Variants in BRIP1 observed in about 807,000 individuals in gnomAD.
BRIP1 encodes BRCA1 interacting DNA helicase 1.
Under a neutral mutation model 119.7 loss-of-function variants are expected in BRIP1, and 88 were observed. The observed-to-expected ratio is 0.74, with a 90% CI of 0.62 to 0.88. BRIP1 has a LOEUF of 0.88. BRIP1 is among the 40% of genes least tolerant of loss of function. The pLI is 0.00. For synonymous variants in BRIP1, 443 were observed against 496.5 expected (o/e 0.89, Z 1.43); for missense variants, 1,259 against 1,455.4 (o/e 0.87, Z 2.20).
rs2078946624 is a variant in BRIP1, at chr17:61,859,694, T to G, written c.205+102A>C. 7 of 770,848 alleles carry G rather than the reference T, an allele frequency of 9.1e-6. No homozygotes were observed. The South Asian group carries it at 1.0e-4, about 11-fold the overall frequency. 47.8% of individuals were successfully genotyped at this position (770,848 alleles called of 1,614,324 possible). ...AAAGAAACATCTTTAAACAAATATT[T>G]AAGTTAGCGACAGCATGGCTGAACC... On this transcript the variant is annotated intron_variant, in intron 3 of 19. Transcript: ENST00000259008.
chr17:61,818,658 C>G (rs1329495820), intron 6 of BRIP1, among the ~76,000 whole-genome samples: 1 of 152,078 alleles, frequency 6.6e-6, no homozygotes, highest in Non-Finnish European at 1.5e-5. Context: ...CTTTTCATTT[C>G]CAATGAGGGG....
Position 61,821,129 on chromosome 17 carries a change from T to C in BRIP1, c.628-12372A>G, listed in dbSNP as rs146590560. ...AACACGTGGCCTGTGACCAGTCTGA[T>C]TGGTTGTGGGAGGCAACCAATCAGA... On this transcript the variant is annotated intron_variant, in intron 6 of 19. Coordinates refer to ENST00000259008, the MANE Select transcript of BRIP1 (RefSeq NM_032043.3). Among the ~76,000 whole-genome samples, 332 of 152,182 alleles carry C rather than the reference T, an allele frequency of 2.2e-3. 1 individual carries two copies. Among genetic ancestry groups the C allele is most frequent in the Middle Eastern group, 0.01 (3 of 294 alleles).
At chr17:61,855,064 A>C (rs2078876532) in intron 4 of BRIP1, among the ~76,000 whole-genome samples, 2 of 150,910 alleles carry the variant, frequency 1.3e-5, no homozygotes, top group South Asian at 4.1e-4. Context: ...AGAAAATGCA[A>C]ACTAATCTAT....
intron 6 of BRIP1, among the ~76,000 whole-genome samples, chr17:61,812,410 C>G (rs2078176354): frequency 6.6e-6 from 1 of 151,952 alleles, no homozygotes; most frequent in African/African-American, 2.4e-5. Context: ...AATAATATAT[C>G]TGAAAATCAA....
Position 61,739,375 on chromosome 17 carries a change from A to G in BRIP1, c.2379+3638T>C, listed in dbSNP as rs1326408874. The G allele has an allele frequency of 5.2e-6, 1 of 191,870 alleles. No homozygotes were observed. Among genetic ancestry groups the G allele is most frequent in the Non-Finnish European group, 1.1e-5 (1 of 91,572 alleles). 11.9% of individuals were successfully genotyped at this position (191,870 alleles called of 1,614,324 possible). ...TAGAATAGGAGACCCAGCTTTGGGC[A>G]TAGCCATTAGTGCCCTCAGCAGTAG... On this transcript the variant is annotated intron_variant, in intron 16 of 19. Transcript: ENST00000259008. The surrounding 1 kb of genome is among the most constrained non-coding windows in gnomAD (Gnocchi z 6.0).
rs202072866 is a variant in BRIP1, at chr17:61,849,221, A to C, written c.415T>G (p.Ser139Ala). The C allele has an allele frequency of 6.4e-5, 104 of 1,613,052 alleles. No homozygotes were observed. In the Middle Eastern group the frequency reaches 1.2e-3, roughly 18 times the overall value. The stretch of plus-strand genomic sequence containing the variant: ...TATATGGATGCCTGTTTCTTAGCAG[A>C]TAACTTTGCAGCCAGAGTGGTTTTT... ...PEKTTLAAKL[S>A]AKKQASIYRD... The change falls in exon 5 of 20, where the codon TCT (serine) becomes GCT (alanine). Residue 139 changes from serine (S) to alanine (A), a missense_variant. By Grantham distance (99) the Ser-to-Ala change is moderately conservative. Transcript: ENST00000259008.
chr17:61,856,962 T>C lies in BRIP1; in HGVS notation c.379+96A>G, dbSNP rs1397310013. On this transcript the variant is annotated intron_variant, in intron 4 of 19. Transcript: ENST00000259008. The surrounding 1 kb of genome is among the most constrained non-coding windows in gnomAD (Gnocchi z 5.1). Reference sequence around the variant, plus strand: ...AAACTAGATAGAGATATATAATCAGTTATGCTAACCAAACTTATATAAATT... The same window carrying C: ...AAACTAGATAGAGATATATAATCAGCTATGCTAACCAAACTTATATAAATT... The C allele has an allele frequency of 5.7e-6, 7 of 1,231,046 alleles. No homozygotes were observed. Among genetic ancestry groups the C allele is most frequent in the South Asian group, 4.8e-5 (4 of 82,506 alleles). 76.3% of individuals were successfully genotyped at this position (1,231,046 alleles called of 1,614,324 possible). A position where few individuals can be genotyped will look rare whatever the true frequency, so the allele number is the denominator to read the frequency against.
intron 14 of BRIP1, among the ~76,000 whole-genome samples, chr17:61,763,728 G>A (rs1421201950): frequency 6.6e-6 from 1 of 152,116 alleles, no homozygotes; most frequent in Non-Finnish European, 1.5e-5. Context: ...GAGATTGGGA[G>A]AGTTCGCTTC....
At position 61,834,107 on chromosome 17, in the gene BRIP1, C is replaced by T. The variant is rs2078534284; in HGVS notation, c.627+12994G>A. On this transcript the variant is annotated intron_variant, in intron 6 of 19. Transcript: ENST00000259008. This position sits in a 1 kb window ranked among gnomAD's most constrained non-coding sequence, Gnocchi z 4.4. ...CTGCCCATGGGTCATAGTTTGCCAA[C>T]CACTGGCATAGGAAAAAAGATTACG... Among the ~76,000 whole-genome samples, 1 of 152,056 alleles carries T rather than the reference C, an allele frequency of 6.6e-6. No individual in the cohort carries two copies. Among genetic ancestry groups the T allele is most frequent in the African/African-American group, 2.4e-5 (1 of 41,374 alleles).
chr17:61,731,278 CT>C, intron 16 of BRIP1, among the ~76,000 whole-genome samples: 1 of 152,250 alleles, frequency 6.6e-6, no homozygotes, highest in Non-Finnish European at 1.5e-5. Flanking sequence ...TATTACAGCA[CT>C]TTAAGTTTAT....
At position 61,793,851 on chromosome 17, in the gene BRIP1, T is replaced by A; in HGVS notation, c.1341-122A>T. On this transcript the variant is annotated intron_variant, in intron 9 of 19. Coordinates refer to ENST00000259008, the MANE Select transcript of BRIP1 (RefSeq NM_032043.3). The surrounding 1 kb of genome is among the most constrained non-coding windows in gnomAD (Gnocchi z 5.2). ...TGTATATCTTGACATTCTTAGGACA[T>A]GAATGTGGATTAATTAAGACACCTT... 1 of 981,046 alleles carries A rather than the reference T, an allele frequency of 1.0e-6. No individual in the cohort carries two copies. Among genetic ancestry groups the A allele is most frequent in the Non-Finnish European group, 1.4e-6 (1 of 704,774 alleles). 60.8% of individuals were successfully genotyped at this position (981,046 alleles called of 1,614,324 possible).
At chr17:61,783,796 G>C (rs2077659875) in intron 11 of BRIP1, 1 of 151,618 alleles carries the variant, frequency 6.6e-6, no homozygotes, top group South Asian at 2.1e-4. Context: ...ACTAATTTTG[G>C]CCAGGCATGG....
At chr17:61,772,917 G>A (rs1452852697) in intron 14 of BRIP1, among the ~76,000 whole-genome samples, 5 of 151,320 alleles carry the variant, frequency 3.3e-5, no homozygotes, top group Admixed American at 2.6e-4. Flanking sequence ...TCAAAGACCT[G>A]CGAAGCCTCT....
At chr17:61,727,122 T>C (rs1195784611) in intron 16 of BRIP1, among the ~76,000 whole-genome samples, 1 of 152,204 alleles carries the variant, frequency 6.6e-6, no homozygotes, top group Non-Finnish European at 1.5e-5. Context: ...GACCTACTTC[T>C]ACCTTATATA....
rs989098440 is a variant in BRIP1, at chr17:61,740,501, T to G, written c.2379+2512A>C. 1.3e-5 allele frequency among the ~76,000 whole-genome samples: 2 copies of G among 152,162 alleles called. No individual in the cohort carries two copies. Among genetic ancestry groups the G allele is most frequent in the Non-Finnish European group, 2.9e-5 (2 of 68,014 alleles). ...AAAATAAAATAAAATCTGTATCTACTAAATTTTTCTCACTCATTCAGATTC... is the reference window on the plus strand; with the variant it reads ...AAAATAAAATAAAATCTGTATCTACGAAATTTTTCTCACTCATTCAGATTC... On this transcript the variant is annotated intron_variant, in intron 16 of 19. Transcript: ENST00000259008. The surrounding 1 kb of genome is among the most constrained non-coding windows in gnomAD (Gnocchi z 5.4).
At chr17:61,812,828 T>C (rs1296399531) in intron 6 of BRIP1, among the ~76,000 whole-genome samples, 1 of 152,012 alleles carries the variant, frequency 6.6e-6, no homozygotes, top group Non-Finnish European at 1.5e-5. Context: ...AGATGAAGAG[T>C]TCGAAGATTT....
At position 61,734,259 on chromosome 17, in the gene BRIP1, T is replaced by C. The variant is rs2076888516; in HGVS notation, c.2379+8754A>G. Among the ~76,000 whole-genome samples the C allele has an allele frequency of 6.6e-6, 1 of 152,210 alleles. No homozygotes were observed. Among genetic ancestry groups the C allele is most frequent in the African/African-American group, 2.4e-5 (1 of 41,462 alleles). On this transcript the variant is annotated intron_variant, in intron 16 of 19. Transcript: ENST00000259008. This position sits in a 1 kb window ranked among gnomAD's most constrained non-coding sequence, Gnocchi z 5.2. ...ATCCATTAAAAAGGCAGCCTTGTTA[T>C]ACTGTGATTTAATTACATGAAAAAG...
intron 17 of BRIP1, among the ~76,000 whole-genome samples, chr17:61,698,806 C>T (rs2061566315): frequency 6.6e-6 from 1 of 151,788 alleles, no homozygotes; most frequent in Non-Finnish European, 1.5e-5. Flanking sequence ...CCTCAACTTC[C>T]TGGGCTCAGG....
At position 61,762,486 on chromosome 17, in the gene BRIP1, T is replaced by A. The variant is rs201155076; in HGVS notation, c.2097+13915A>T. Among the ~76,000 whole-genome samples the A allele has an allele frequency of 2.0e-5, 3 of 151,714 alleles. No individual in the cohort carries two copies. Among genetic ancestry groups the A allele is most frequent in the East Asian group, 3.9e-4 (2 of 5,180 alleles). ...TACAAGCTATATATCCAATAAGGAG[T>A]TAATGTCCAAAATATATAAGAAACT... is the stretch of plus-strand genomic sequence containing the variant. On this transcript the variant is annotated intron_variant, in intron 14 of 19. Coordinates refer to ENST00000259008, the MANE Select transcript of BRIP1 (RefSeq NM_032043.3). This position sits in a 1 kb window ranked among gnomAD's most constrained non-coding sequence, Gnocchi z 4.3.
Sources: gnomAD v4.1 joint callset for allele counts (sites outside exome capture counted in the v4.1 genomes callset) on GRCh38, gnomAD v4.1.1 for gene constraint, Gnocchi (gnomAD v3.1) non-coding constraint, MANE v1.5 for transcripts, NCBI Gene and HGNC (gene_info 2026-07-23, HGNC 2026-07-21) for gene names.